Variants in KRR1 observed in about 807,000 individuals in gnomAD.
The protein encoded by KRR1 is KRR1 small subunit processome component homolog.
Under a neutral mutation model 50.0 loss-of-function variants are expected in KRR1, and 23 were observed. That is an observed-to-expected ratio of 0.46 (90% CI 0.33 to 0.65). The LOEUF is 0.65. KRR1 is among the 30% of genes least tolerant of loss of function. KRR1 has a pLI of 0.02. For missense variants in KRR1, 419 were observed against 442.4 expected (o/e 0.95, Z 0.47); for synonymous variants, 133 against 146.3 (o/e 0.91, Z 0.66).
rs1189857054 is a variant in KRR1 at position 75,502,869 on chromosome 12, C to CT, written c.832-870dup. On this transcript the variant is annotated intron_variant, in intron 7 of 9. Transcript: ENST00000229214. ...ATGGTTTAATGACTGCATCACTCCACTTTCCCCCTAACTACTATCAATTTC... is the reference window on the plus strand; with the variant it reads ...ATGGTTTAATGACTGCATCACTCCACTTTTCCCCCTAACTACTATCAATTTC... 8 of 152,018 alleles carry CT rather than the reference C, an allele frequency of 5.3e-5. No individual in the cohort carries two copies. In the South Asian group the frequency reaches 1.2e-3, roughly 24 times the overall value. The allele number at this position is 152,018 out of a possible 1,614,324, so 9.4% of individuals were successfully genotyped here.
Position 75,494,824 on chromosome 12 carries a change from C to T in KRR1, c.*4985G>A, listed in dbSNP as rs937219978. On this transcript the variant is annotated 3_prime_UTR_variant, in exon 10 of 10. Coordinates refer to ENST00000229214, the MANE Select transcript of KRR1 (RefSeq NM_007043.7). Reference sequence around the variant, plus strand: ...CTTGGATATTATTTCACTTTCTAGTCTGTGACCTTGGTCAATTACTTATAC... The same window carrying T: ...CTTGGATATTATTTCACTTTCTAGTTTGTGACCTTGGTCAATTACTTATAC... 2 of 152,160 alleles carry T rather than the reference C, an allele frequency of 1.3e-5. No individual in the cohort carries two copies. Among genetic ancestry groups the T allele is most frequent in the African/African-American group, 4.8e-5 (2 of 41,418 alleles). 9.4% of individuals were successfully genotyped at this position (152,160 alleles called of 1,614,324 possible).
chr12:75,505,367 A>C, intron 5 of KRR1, 113 bp from the exon 6 acceptor site: 1 of 1,054,382 alleles, frequency 9.5e-7, no homozygotes, highest in Non-Finnish European at 1.3e-6. Flanking sequence ...AATGTAATTA[A>C]ATAATTAAGT....
intron 1 of KRR1, among the ~76,000 whole-genome samples, chr12:75,510,223 G>T (rs1194139974): frequency 1.3e-5 from 2 of 152,132 alleles, no homozygotes; most frequent in East Asian, 3.9e-4. Flanking sequence ...TAGCACTTTG[G>T]AAAAAAGTTA....
Position 75,496,825 on chromosome 12 carries a change from T to G in KRR1, c.*2984A>C, listed in dbSNP as rs2046354703. 6.6e-6 allele frequency: 1 copy of G among 152,188 alleles called. No individual in the cohort carries two copies. The highest frequency in any genetic ancestry group is 1.5e-5 in the Non-Finnish European group (1 of 68,036). 9.4% of individuals were successfully genotyped at this position (152,188 alleles called of 1,614,324 possible). ...AAATTCTATATATTAAACTGCTTGC[T>G]CTCCTCCTTCCCATTTAATGTTGAA... On this transcript the variant is annotated 3_prime_UTR_variant, in exon 10 of 10. Transcript: ENST00000229214.
Position 75,506,936 on chromosome 12 carries a change from A to G in KRR1, c.259-20T>C, listed in dbSNP as rs752755176. ...AACATGCTACAGAAGGAAAGAGCAA[A>G]CAAGCAGTTGTCTAAAAATGAGTTT... On this transcript the variant is annotated intron_variant, in intron 2 of 9. Transcript: ENST00000229214. 100 of 1,565,590 alleles carry G rather than the reference A, an allele frequency of 6.4e-5. No homozygotes were observed. The Admixed American group carries it at 2.1e-3, about 33-fold the overall frequency.
rs142048101 is a variant in KRR1 at position 75,510,566 on chromosome 12, G to A, written c.85+947C>T. 2.7e-3 allele frequency among the ~76,000 whole-genome samples: 412 copies of A among 152,164 alleles called. 2 individuals carry two copies. The highest frequency in any genetic ancestry group is 9.6e-3 in the African/African-American group (400 of 41,506). On this transcript the variant is annotated intron_variant, in intron 1 of 9. Coordinates refer to ENST00000229214, the MANE Select transcript of KRR1 (RefSeq NM_007043.7). ...TTCATGTATATAAAATTAAAAAACA[G>A]GCTAAATTAAGCCACTTCATGACTA... is the stretch of plus-strand genomic sequence containing the variant.
Position 75,491,161 on chromosome 12 carries a change from A to G in KRR1, c.*8648T>C, listed in dbSNP as rs908706684. The G allele has an allele frequency of 4.3e-5, 6 of 139,230 alleles. No individual in the cohort carries two copies. The highest frequency in any genetic ancestry group is 2.1e-4 in the Admixed American group (3 of 14,124). The allele number at this position is 139,230 out of a possible 1,614,324, so 8.6% of individuals were successfully genotyped here. On this transcript the variant is annotated 3_prime_UTR_variant, in exon 10 of 10. Transcript: ENST00000229214. Reference sequence around the variant, plus strand: ...CTTTTCAAAATTTTAAGTGATTTTAATCATAAAAATGATAGATTGTTTATA... The same window carrying G: ...CTTTTCAAAATTTTAAGTGATTTTAGTCATAAAAATGATAGATTGTTTATA...
In KRR1 at chr12:75,511,575, C is replaced by T. The variant is rs780242758; in HGVS notation, c.23G>A (p.Arg8Gln). Reference sequence around the variant, plus strand: ...ACTTTTTCCAGCGCCTTTTTCTGGCCGCTCCAGCGAGGGAGACGCCATTTG... The same window carrying T: ...ACTTTTTCCAGCGCCTTTTTCTGGCTGCTCCAGCGAGGGAGACGCCATTTG... Reference protein sequence around the residue: MASPSLERPEKGAGKSEF... With the variant: MASPSLEQPEKGAGKSEF... The change falls in exon 1 of 10, where the codon CGG becomes CAG. Residue 8 changes from arginine to glutamine, a missense_variant. By Grantham distance (43) the Arg-to-Gln change is conservative. Transcript: ENST00000229214. 1 of 1,614,060 alleles carries T rather than the reference C, an allele frequency of 6.2e-7. No homozygotes were observed. Among genetic ancestry groups the T allele is most frequent in the Admixed American group, 1.7e-5 (1 of 60,024 alleles).
Position 75,491,737 on chromosome 12 carries a change from C to G in KRR1, c.*8072G>C, listed in dbSNP as rs1315268349. The G allele has an allele frequency of 1.3e-5, 2 of 152,000 alleles. No homozygotes were observed. Among genetic ancestry groups the G allele is most frequent in the African/African-American group, 4.8e-5 (2 of 41,390 alleles). The allele number at this position is 152,000 out of a possible 1,614,324, so 9.4% of individuals were successfully genotyped here. A position where few individuals can be genotyped will look rare whatever the true frequency, so the allele number is the denominator to read the frequency against. ...CTTCACATAATTGTCTATTTATATT[C>G]CTTTTTCTGTGAATCATGTGGGCTG... On this transcript the variant is annotated 3_prime_UTR_variant, in exon 10 of 10. Coordinates refer to ENST00000229214, the MANE Select transcript of KRR1 (RefSeq NM_007043.7).
chr12:75,498,631 A>G lies in KRR1; in HGVS notation c.*1178T>C. 2 of 1,334,988 alleles carry G rather than the reference A, an allele frequency of 1.5e-6. No homozygotes were observed. The highest frequency in any genetic ancestry group is 2.3e-5 in the East Asian group (1 of 43,488). 82.7% of individuals were successfully genotyped at this position (1,334,988 alleles called of 1,614,324 possible). A position where few individuals can be genotyped will look rare whatever the true frequency, so the allele number is the denominator to read the frequency against. On this transcript the variant is annotated 3_prime_UTR_variant, in exon 10 of 10. Transcript: ENST00000229214. ...ATAATTATAAGACTTAGCTTTTTAA[A>G]ATAAAACTCTCAACTGTGTCTACCC...
intron 1 of KRR1, among the ~76,000 whole-genome samples, chr12:75,509,909 G>T (rs1027395159): frequency 6.6e-6 from 1 of 151,840 alleles, no homozygotes; most frequent in African/African-American, 2.4e-5. Context: ...TTTACCTGAC[G>T]AAGTCCCTAT....
chr12:75,498,038 C>G lies in KRR1; in HGVS notation c.*1771G>C, dbSNP rs1207060842. On this transcript the variant is annotated 3_prime_UTR_variant, in exon 10 of 10. Transcript: ENST00000229214. ...GGGATGCTCACCAGTACCCAGAGGA[C>G]CAGATGATTGATGGGTTCTACCACG... 1.3e-5 allele frequency: 2 copies of G among 152,186 alleles called. No individual in the cohort carries two copies. The highest frequency in any genetic ancestry group is 2.9e-5 in the Non-Finnish European group (2 of 68,084). The allele number at this position is 152,186 out of a possible 1,614,324, so 9.4% of individuals were successfully genotyped here.
chr12:75,495,322 T>C lies in KRR1; in HGVS notation c.*4487A>G. 2.8e-6 allele frequency: 1 copy of C among 356,854 alleles called. No individual in the cohort carries two copies. Among genetic ancestry groups the C allele is most frequent in the Non-Finnish European group, 5.2e-6 (1 of 192,256 alleles). 22.1% of individuals were successfully genotyped at this position (356,854 alleles called of 1,614,324 possible). ...TTTTGTCTCATCTGTAAAACAAGAA[T>C]AACTTCCTCTCAGAGCTGTCACAAT... On this transcript the variant is annotated 3_prime_UTR_variant, in exon 10 of 10. Coordinates refer to ENST00000229214, the MANE Select transcript of KRR1 (RefSeq NM_007043.7).
At chr12:75,508,770 T>C (rs892828032) in intron 1 of KRR1, among the ~76,000 whole-genome samples, 1 of 152,262 alleles carries the variant, frequency 6.6e-6, no homozygotes, top group African/African-American at 2.4e-5. Flanking sequence ...CAGAAACATG[T>C]ACTGCACTAC....
rs1386782774 is a variant in KRR1 at position 75,496,407 on chromosome 12, C to A, written c.*3402G>T. ...AACATGGCACTTTTTATTAGCCAGA[C>A]AGCATTTAATGAAGAAGTGTAGAAG... is the stretch of plus-strand genomic sequence containing the variant. On this transcript the variant is annotated 3_prime_UTR_variant, in exon 10 of 10. Coordinates refer to ENST00000229214, the MANE Select transcript of KRR1 (RefSeq NM_007043.7). 1.3e-5 allele frequency: 2 copies of A among 152,000 alleles called. No homozygotes were observed. The highest frequency in any genetic ancestry group is 2.9e-5 in the Non-Finnish European group (2 of 67,998). The allele number at this position is 152,000 out of a possible 1,614,324, so 9.4% of individuals were successfully genotyped here.
Position 75,506,314 on chromosome 12 carries a change from A to C in KRR1, c.603+2T>G. 6.3e-7 allele frequency: 1 copy of C among 1,581,200 alleles called. No individual in the cohort carries two copies. Among genetic ancestry groups the C allele is most frequent in the Non-Finnish European group, 8.7e-7 (1 of 1,153,264 alleles). On this transcript the variant is annotated splice_donor_variant, in intron 5 of 9. Coordinates refer to ENST00000229214, the MANE Select transcript of KRR1 (RefSeq NM_007043.7). LOFTEE classifies it high-confidence loss of function. ...GAATCGAAGATAATACATAGTTCTC[A>C]CCTCTTTTAAGCCACTAAAAGGTCC...
At chr12:75,505,169 T>C (rs2046416316) in intron 6 of KRR1, 29 bp downstream of exon 6, 2 of 1,509,756 alleles carry the variant, frequency 1.3e-6, no homozygotes, top group South Asian at 2.4e-5. Context: ...TGATAATCAC[T>C]GGTACAGTTA....
intron 9 of KRR1, chr12:75,501,507 G>T (rs1004243009): frequency 3.9e-6 from 2 of 516,716 alleles, no homozygotes; most frequent in Non-Finnish European, 6.9e-6. Flanking sequence ...CAGAGGTCAG[G>T]AGAGGACTGT....
At chr12:75,500,711 T>TTTTC (rs1487473049) in intron 9 of KRR1, 1 of 151,894 alleles carries the variant, frequency 6.6e-6, no homozygotes, top group Non-Finnish European at 1.5e-5. Flanking sequence ...GAATGCAACT[T>TTTTC]TTTCTTACCA....
Sources: allele counts gnomAD v4.1 joint callset (sites outside exome capture counted in the v4.1 genomes callset), GRCh38; gene constraint gnomAD v4.1.1; transcripts MANE v1.5; gene names NCBI Gene and HGNC (gene_info 2026-07-23, HGNC 2026-07-21).